Variants in C12orf42 observed in about 807,000 individuals in gnomAD.
C12orf42 encodes the protein uncharacterized protein C12orf42.
C12orf42 carries 25 observed loss-of-function variants against 21.6 expected under a neutral mutation model. The observed-to-expected ratio is 1.16, with a 90% CI of 0.84 to 1.62. The LOEUF is 1.62. Ranked by LOEUF, C12orf42 falls within the 40% of genes most tolerant of loss-of-function variation. The pLI is 0.00. For synonymous variants in C12orf42, 174 were observed against 175.0 expected (o/e 0.99, Z 0.05); for missense variants, 483 against 459.3 (o/e 1.05, Z -0.47).
At chr12:103,333,748 T>G (rs1380806344) in intron 4 of C12orf42, among the ~76,000 whole-genome samples, 1 of 152,200 alleles carries the variant, frequency 6.6e-6, no homozygotes, top group African/African-American at 2.4e-5. Context: ...AAAAAAAATT[T>G]GGCCTGTAAT....
intron 4 of C12orf42, among the ~76,000 whole-genome samples, chr12:103,310,585 T>C (rs1217669124): frequency 1.3e-5 from 2 of 152,242 alleles, no homozygotes; most frequent in African/African-American, 2.4e-5. Context: ...GCCAGCCTTG[T>C]AAAGGCCACG....
intron 2 of C12orf42, among the ~76,000 whole-genome samples, chr12:103,438,336 A>G (rs1950912641): frequency 6.6e-6 from 1 of 152,170 alleles, no homozygotes; most frequent in South Asian, 2.1e-4. Flanking sequence ...ATTCCCTTTG[A>G]AAACTGGCAC....
chr12:103,161,653 C>A, the C12orf42 span: 3 of 152,114 alleles, frequency 2.0e-5, no homozygotes, highest in African/African-American at 7.2e-5. Flanking sequence ...CCTAGCATTC[C>A]ATTTTGCCAA....
intron 4 of C12orf42, among the ~76,000 whole-genome samples, chr12:103,311,775 C>T (rs2136653846): frequency 6.6e-6 from 1 of 152,260 alleles, no homozygotes; most frequent in East Asian, 1.9e-4. Context: ...ACCTGACATG[C>T]TTTTAAAAAT....
chr12:103,092,738 T>A, the C12orf42 span, among the ~76,000 whole-genome samples: 1 of 152,230 alleles, frequency 6.6e-6, no homozygotes, highest in Non-Finnish European at 1.5e-5. Context: ...TGTTAAGGAC[T>A]GTATCATGAG....
the C12orf42 span, among the ~76,000 whole-genome samples, chr12:103,049,048 A>C: frequency 4.6e-5 from 7 of 152,196 alleles, no homozygotes; most frequent in Non-Finnish European, 7.3e-5. Flanking sequence ...TGATGATTTC[A>C]TCCATTCCCA....
chr12:103,216,511 C>G, the C12orf42 span, among the ~76,000 whole-genome samples: 29 of 151,974 alleles, frequency 1.9e-4, no homozygotes, highest in African/African-American at 6.8e-4. Flanking sequence ...GCTGGGACTA[C>G]AGTAGGCTCC....
At chr12:103,422,635 A>G (rs984950093) in intron 2 of C12orf42, among the ~76,000 whole-genome samples, 2 of 152,228 alleles carry the variant, frequency 1.3e-5, no homozygotes, top group African/African-American at 4.8e-5. Context: ...AGAAACCTGT[A>G]GAATGGCCAT....
In C12orf42 at chr12:103,452,235, G is replaced by T. The variant is rs115343292; in HGVS notation, c.78+26114C>A. 9.0e-3 allele frequency among the ~76,000 whole-genome samples: 1,363 copies of T among 152,096 alleles called. 24 individuals carry two copies. Among genetic ancestry groups the T allele is most frequent in the African/African-American group, 0.031 (1,281 of 41,440 alleles). Reference sequence around the variant, plus strand: ...TTTCACATCTAATAGGCTAGCCTGGGGTTGTTTGCATGATGGTGTCAGGAT... The same window carrying T: ...TTTCACATCTAATAGGCTAGCCTGGTGTTGTTTGCATGATGGTGTCAGGAT... On this transcript the variant is annotated intron_variant, in intron 2 of 5. Transcript: ENST00000548883.
At chr12:103,533,785 T>C in the C12orf42 span, among the ~76,000 whole-genome samples, 1 of 152,242 alleles carries the variant, frequency 6.6e-6, no homozygotes, top group African/African-American at 2.4e-5. Context: ...TAGGTTTATA[T>C]GCTATTCTCC....
chr12:103,224,578 G>T, the C12orf42 span, among the ~76,000 whole-genome samples: 2 of 152,370 alleles, frequency 1.3e-5, no homozygotes, highest in Middle Eastern at 3.4e-3. Context: ...TGAAGTCTGG[G>T]CCAGGAACAA....
intron 1 of C12orf42, among the ~76,000 whole-genome samples, chr12:103,488,940 T>C (rs1955012460): frequency 6.6e-6 from 1 of 152,226 alleles, no homozygotes; most frequent in Non-Finnish European, 1.5e-5. Flanking sequence ...TTCTGAAGCC[T>C]ACTTCTGTCA....
At chr12:103,548,245 C>A in the C12orf42 span, among the ~76,000 whole-genome samples, 1 of 152,202 alleles carries the variant, frequency 6.6e-6, no homozygotes, top group Admixed American at 6.5e-5. Context: ...ATCAGTTCTT[C>A]CAAAATGGAC....
At chr12:103,064,008 G>T in the C12orf42 span, among the ~76,000 whole-genome samples, 1 of 152,114 alleles carries the variant, frequency 6.6e-6, no homozygotes, top group African/African-American at 2.4e-5. Flanking sequence ...TAAAAATGTG[G>T]CCCACTGTGA....
chr12:103,083,441 G>C, the C12orf42 span, among the ~76,000 whole-genome samples: 1 of 152,130 alleles, frequency 6.6e-6, no homozygotes, highest in Non-Finnish European at 1.5e-5. Context: ...TTTCTGTTTT[G>C]ATCATTAACC....
chr12:103,427,926 T>A (rs982646371), intron 2 of C12orf42, among the ~76,000 whole-genome samples: 1 of 152,088 alleles, frequency 6.6e-6, no homozygotes, highest in Non-Finnish European at 1.5e-5. Context: ...TTGAAGTCAG[T>A]GAGAACAAAG....
chr12:103,305,389 T>C (rs957806232), intron 5 of C12orf42, among the ~76,000 whole-genome samples: 7 of 152,212 alleles, frequency 4.6e-5, no homozygotes, highest in Admixed American at 3.3e-4. Flanking sequence ...ATATAAATCA[T>C]TTAATTTGAA....
At chr12:103,431,353 T>C (rs1260241140) in intron 2 of C12orf42, 1 of 152,246 alleles carries the variant, frequency 6.6e-6, no homozygotes, top group Non-Finnish European at 1.5e-5. Context: ...CTAGAGTCTA[T>C]ATTATTTCCG....
In C12orf42 at chr12:103,346,705, C is replaced by G. The variant is rs77069871; in HGVS notation, c.259+22182G>C. On this transcript the variant is annotated intron_variant, in intron 4 of 5. Transcript: ENST00000548883. Reference sequence around the variant, plus strand: ...TTGCCCATCCTAAGCAGAATCCTTCCGCAACTGAGTGACATGGTTGCACTA... The same window carrying G: ...TTGCCCATCCTAAGCAGAATCCTTCGGCAACTGAGTGACATGGTTGCACTA... Among the ~76,000 whole-genome samples the G allele has an allele frequency of 3.3e-3, 502 of 152,270 alleles. 3 individuals are homozygous for G. Among genetic ancestry groups the G allele is most frequent in the African/African-American group, 0.011 (476 of 41,548 alleles).
Sources: allele counts gnomAD v4.1 joint callset (sites outside exome capture counted in the v4.1 genomes callset), GRCh38; gene constraint gnomAD v4.1.1; transcripts MANE v1.5; gene names NCBI Gene and HGNC (gene_info 2026-07-23, HGNC 2026-07-21).